ACAD9: variants seen among roughly 807,000 people sequenced by gnomAD.
ACAD9 encodes acyl-CoA dehydrogenase family member 9.
Under a neutral mutation model 70.2 loss-of-function variants are expected in ACAD9, and 53 were observed. That is an observed-to-expected ratio of 0.75 (90% CI 0.61 to 0.95). ACAD9 has a LOEUF of 0.95. Ranked by LOEUF, ACAD9 falls within the 40% of genes least tolerant of loss-of-function variation. The probability of loss-of-function intolerance (pLI) is 0.00; values close to 1 mark genes in which losing one functional copy is unlikely to be tolerated. For synonymous variants in ACAD9, 313 were observed against 312.1 expected (o/e 1.00, Z -0.03); for missense variants, 777 against 802.8 (o/e 0.97, Z 0.39).
chr3:128,910,326 C>A, intron 16 of ACAD9, 177 bp downstream of exon 16: 1 of 1,475,974 alleles, frequency 6.8e-7, no homozygotes, highest in East Asian at 2.5e-5. Flanking sequence ...TCCCTTTCTT[C>A]TTCCTGACTG....
intron 13 of ACAD9, chr3:128,908,768 G>C (rs1245971496): frequency 5.6e-6 from 4 of 710,114 alleles, no homozygotes; most frequent in African/African-American, 1.8e-5. Context: ...CACCCCTCAT[G>C]GGGGAGCATA....
At chr3:128,906,390 T>C in intron 12 of ACAD9, 141 bp downstream of exon 12, 1 of 1,318,850 alleles carries the variant, frequency 7.6e-7, no homozygotes, top group East Asian at 2.4e-5. Context: ...CCCTGGCACG[T>C]CTCCTTCCCG....
In ACAD9 at chr3:128,902,543, C is replaced by T. The variant is rs1327497048; in HGVS notation, c.883-10C>T. 5.0e-6 allele frequency: 8 copies of T among 1,614,028 alleles called. No individual in the cohort carries two copies. Among genetic ancestry groups the T allele is most frequent in the Non-Finnish European group, 6.8e-6 (8 of 1,179,972 alleles). On this transcript the variant is annotated splice_polypyrimidine_tract_variant and intron_variant, in intron 8 of 17. Transcript: ENST00000308982. This position sits in a 1 kb window ranked among gnomAD's most constrained non-coding sequence, Gnocchi z 4.0. ...TCAGGGCCCCTGGGCTCTCCCTGTT[C>T]TCCCTGCAGGTGGCCATGAACATCC...
rs767693803 is a variant in ACAD9, at chr3:128,898,505, A to G, written c.634-782A>G. 4.9e-5 allele frequency: 20 copies of G among 407,288 alleles called. No individual in the cohort carries two copies. In the East Asian group the frequency reaches 1.4e-3, roughly 29 times the overall value. The allele number at this position is 407,288 out of a possible 1,614,324, so 25.2% of individuals were successfully genotyped here. Reference sequence around the variant, plus strand: ...ACTGCAGCCTCAACTTCCTGGGCTCAGGTGATTCTCCTACCTCAACCTCCC... The same window carrying G: ...ACTGCAGCCTCAACTTCCTGGGCTCGGGTGATTCTCCTACCTCAACCTCCC... On this transcript the variant is annotated intron_variant, in intron 6 of 17. Coordinates refer to ENST00000308982, the MANE Select transcript of ACAD9 (RefSeq NM_014049.5).
chr3:128,912,964 A>C lies in ACAD9; in HGVS notation c.*357A>C. ...GGGTGGGGACCTGTGTCAGGTGTGGATAGCCATTTCTGCTCAACCACACAT... is the reference window on the plus strand; with the variant it reads ...GGGTGGGGACCTGTGTCAGGTGTGGCTAGCCATTTCTGCTCAACCACACAT... On this transcript the variant is annotated 3_prime_UTR_variant, in exon 18 of 18. Coordinates refer to ENST00000308982, the MANE Select transcript of ACAD9 (RefSeq NM_014049.5). 1 of 485,668 alleles carries C rather than the reference A, an allele frequency of 2.1e-6. No homozygotes were observed. Among genetic ancestry groups the C allele is most frequent in the South Asian group, 1.5e-5 (1 of 65,756 alleles). The allele number at this position is 485,668 out of a possible 1,614,324, so 30.1% of individuals were successfully genotyped here.
intron 15 of ACAD9, 145 bp from the exon 16 acceptor site, chr3:128,909,876 C>A: frequency 8.3e-7 from 1 of 1,199,494 alleles, no homozygotes; most frequent in Non-Finnish European, 1.2e-6. Context: ...GCCGTTCTCC[C>A]ACAACCTGAA....
intron 2 of ACAD9, among the ~76,000 whole-genome samples, chr3:128,890,917 C>G (rs1201489923): frequency 1.3e-5 from 2 of 151,244 alleles, no homozygotes; most frequent in Non-Finnish European, 2.9e-5. Context: ...TCTTGGCCCA[C>G]TACAACCTCT....
At chr3:128,898,944 T>G (rs1370085964) in intron 6 of ACAD9, among the ~76,000 whole-genome samples, 1 of 152,214 alleles carries the variant, frequency 6.6e-6, no homozygotes, top group African/African-American at 2.4e-5. Flanking sequence ...AACATGATGT[T>G]TTTATATATG....
At chr3:128,891,429 T>C (rs1182542761) in intron 2 of ACAD9, among the ~76,000 whole-genome samples, 1 of 152,008 alleles carries the variant, frequency 6.6e-6, no homozygotes, top group African/African-American at 2.4e-5. Context: ...GAGACCAGTC[T>C]GGCCAACAGG....
In ACAD9 at chr3:128,908,256, C is replaced by T; in HGVS notation, c.1350C>T (p.Thr450=). ...AGCATGCCGGCCGCATCCTGACTAC[C>T]AGGATCCAGTAGGTGCCATTGTCAC... ...GLQHAGRILT[T]RIHELKQAKV... The change falls in exon 13 of 18, where the codon ACC becomes ACT. Residue 450 remains threonine (T), a synonymous_variant. Coordinates refer to ENST00000308982, the MANE Select transcript of ACAD9 (RefSeq NM_014049.5). 1.2e-6 allele frequency: 2 copies of T among 1,614,160 alleles called. No homozygotes were observed. The highest frequency in any genetic ancestry group is 2.2e-5 in the East Asian group (1 of 44,882).
chr3:128,910,447 T>C, intron 16 of ACAD9: 6 of 1,051,772 alleles, frequency 5.7e-6, no homozygotes, highest in Non-Finnish European at 6.7e-6. Context: ...GTGCAGTCTC[T>C]GAGGACCCAC....
Position 128,884,719 on chromosome 3 carries a change from C to T in ACAD9, c.217C>T (p.Pro73Ser), listed in dbSNP as rs557401373. The T allele has an allele frequency of 7.4e-6, 12 of 1,613,518 alleles. No individual in the cohort carries two copies. In the South Asian group the frequency reaches 1.1e-4, roughly 15 times the overall value. ...ELNEINQFLG[P>S]VEKFFTEEVD... ...TAATGAAATCAATCAGTTCTTGGGA[C>T]CCGTGGAAAAATTCTTCACTGAAGA... The change falls in exon 2 of 18, where the codon CCC (proline) becomes TCC (serine). Residue 73 changes from proline (P) to serine (S), a missense_variant. By Grantham distance (74) the Pro-to-Ser change is moderately conservative. Coordinates refer to ENST00000308982, the MANE Select transcript of ACAD9 (RefSeq NM_014049.5).
Position 128,902,483 on chromosome 3 carries a change from C to T in ACAD9, c.883-70C>T. The stretch of plus-strand genomic sequence containing the variant: ...AGGGAAGGCAAGCTGATCCACCTGG[C>T]CTGGTTTCGTTGCGGCCTCCTCCCT... On this transcript the variant is annotated intron_variant, in intron 8 of 17. Transcript: ENST00000308982. This position sits in a 1 kb window ranked among gnomAD's most constrained non-coding sequence, Gnocchi z 4.0. 1 of 1,513,344 alleles carries T rather than the reference C, an allele frequency of 6.6e-7. No homozygotes were observed. Among genetic ancestry groups the T allele is most frequent in the Non-Finnish European group, 9.2e-7 (1 of 1,088,594 alleles). The allele number at this position is 1,513,344 out of a possible 1,614,324, so 93.7% of individuals were successfully genotyped here. A position where few individuals can be genotyped will look rare whatever the true frequency, so the allele number is the denominator to read the frequency against.
At chr3:128,885,317 T>C (rs1218598779) in intron 2 of ACAD9, among the ~76,000 whole-genome samples, 1 of 152,210 alleles carries the variant, frequency 6.6e-6, no homozygotes, top group African/African-American at 2.4e-5. Flanking sequence ...TCCCTAATAG[T>C]AGGATCCTGG....
intron 2 of ACAD9, among the ~76,000 whole-genome samples, chr3:128,889,984 G>A (rs1258893367): frequency 2.0e-5 from 3 of 152,030 alleles, no homozygotes; most frequent in Non-Finnish European, 4.4e-5. Context: ...ACCATGCCCA[G>A]CTAATAATTC....
chr3:128,900,944 C>T (rs1187937959), intron 7 of ACAD9, among the ~76,000 whole-genome samples: 1 of 152,152 alleles, frequency 6.6e-6, no homozygotes, highest in African/African-American at 2.4e-5. Context: ...CATTCTTAAA[C>T]TTCTGCTAAA....
chr3:128,908,543 C>A, intron 13 of ACAD9: 1 of 578,500 alleles, frequency 1.7e-6, no homozygotes, highest in Non-Finnish European at 3.1e-6. Context: ...TTTTTCAGAA[C>A]CTGAAGAATG....
intron 17 of ACAD9, among the ~76,000 whole-genome samples, chr3:128,912,199 G>A (rs983848690): frequency 6.6e-6 from 1 of 152,226 alleles, no homozygotes; most frequent in Admixed American, 6.5e-5. Flanking sequence ...GGAGGGTGCT[G>A]AAATGGTTTC....
chr3:128,906,388 C>T (rs545417746), intron 12 of ACAD9, 139 bp downstream of exon 12: 45 of 1,324,508 alleles, frequency 3.4e-5, no homozygotes, highest in Non-Finnish European at 4.3e-5. Flanking sequence ...AGCCCTGGCA[C>T]GTCTCCTTCC....
Sources: gnomAD v4.1 joint callset for allele counts (sites outside exome capture counted in the v4.1 genomes callset) on GRCh38, gnomAD v4.1.1 for gene constraint, Gnocchi (gnomAD v3.1) non-coding constraint, MANE v1.5 for transcripts, NCBI Gene and HGNC (gene_info 2026-07-23, HGNC 2026-07-21) for gene names.